GZMM: variants seen among roughly 807,000 people sequenced by gnomAD.
GZMM encodes the protein granzyme M.
Under a neutral mutation model 19.2 loss-of-function variants are expected in GZMM, and 23 were observed. The observed-to-expected ratio is 1.20, with a 90% confidence interval of 0.86 to 1.69. The LOEUF is 1.69. GZMM is among the 40% of genes most tolerant of loss of function. GZMM has a pLI of 0.00. For synonymous variants in GZMM, 178 were observed against 160.2 expected, an observed-to-expected ratio of 1.11 and a Z score of -0.84; for missense variants, 373 against 352.2, an observed-to-expected ratio of 1.06 and a Z score of -0.47.
rs1344705067 is a variant in GZMM at position 549,682 on chromosome 19, T to C, written c.665T>C (p.Val222Ala). 4 of 1,613,576 alleles carry C rather than the reference T, an allele frequency of 2.5e-6. No homozygotes were observed. The highest frequency in any genetic ancestry group is 4.5e-5 in the East Asian group (2 of 44,894). ...VCGKGRVLAR[V>A]LSFSSRVCTD... ...GGCAAAGGCCGGGTGTTGGCCAGAG[T>C]CCTGTCCTTCAGCTCCAGGGTCTGC... Residue 222 changes from valine (V) to alanine (A), a missense_variant, in exon 5 of 5, where the codon GTC becomes GCC. Val to Ala is a moderately conservative substitution (Grantham distance 64, BLOSUM62 0). Coordinates refer to ENST00000264553, the MANE Select transcript of GZMM (RefSeq NM_005317.4).
chr19:549,786 G>T lies in GZMM; in HGVS notation c.769G>T (p.Ala257Ser), dbSNP rs944192890. Residue 257 changes from alanine to serine, a missense_variant, in exon 5 of 5, where the codon GCC becomes TCC. By Grantham distance (99) the Ala-to-Ser change is moderately conservative. Coordinates refer to ENST00000264553, the MANE Select transcript of GZMM (RefSeq NM_005317.4). ...GATCAGGAAGGTCACCGGCCGATCG[G>T]CCTGATGCCCTGGGGTGATGGGGAC... The part of the protein sequence containing the change: ...SWIRKVTGRS[A>S] 16 of 1,608,940 alleles carry T rather than the reference G, an allele frequency of 9.9e-6. No individual in the cohort carries two copies. The highest frequency in any genetic ancestry group is 1.4e-5 in the Non-Finnish European group (16 of 1,178,160).
chr19:549,272 C>T, intron 4 of GZMM, 87 bp downstream of exon 4: 1 of 1,345,058 alleles, frequency 7.4e-7, no homozygotes, highest in Non-Finnish European at 1.0e-6. Context: ...CCTGGCTCTC[C>T]CGTTCTCTGG....
chr19:549,380 A>C (rs908103102), intron 4 of GZMM, among the ~76,000 whole-genome samples, 195 bp downstream of exon 4: 1 of 152,206 alleles, frequency 6.6e-6, no homozygotes, highest in South Asian at 2.1e-4. Flanking sequence ...CAACCTGCGC[A>C]AGACCACACA....
At chr19:544,506 C>A (rs1980182902) in intron 1 of GZMM, among the ~76,000 whole-genome samples, 1 of 152,108 alleles carries the variant, frequency 6.6e-6, no homozygotes, top group Non-Finnish European at 1.5e-5. Flanking sequence ...CTGCCACCAC[C>A]AAGGGCTTGG....
In GZMM at chr19:549,631, G is replaced by T. The variant is rs139484295; in HGVS notation, c.614G>T (p.Gly205Val). Residue 205 changes from glycine to valine, a missense_variant and splice_region_variant, in exon 5 of 5, where the codon GGT becomes GTT. By Grantham distance (109) the Gly-to-Val change is moderately radical. Coordinates refer to ENST00000264553, the MANE Select transcript of GZMM (RefSeq NM_005317.4). ...AGCTGCGGTGTGTCGTCCCTGCAGG[G>T]TGACTCGGGCGGGCCCCTGGTGTGT... ...ADSKDQAPCK[G>V]DSGGPLVCGK... is the part of the protein sequence containing the mutation. The T allele has an allele frequency of 3.2e-5, 51 of 1,611,140 alleles. No individual in the cohort carries two copies. In the African/African-American group the frequency reaches 6.7e-4, roughly 21 times the overall value.
chr19:547,507 G>T (rs1980335964), intron 2 of GZMM, 71 bp downstream of exon 2: 1 of 1,203,282 alleles, frequency 8.3e-7, no homozygotes, highest in Non-Finnish European at 1.1e-6. Flanking sequence ...TCTGCAGGGG[G>T]TGGGCTCTGG....
rs767627448 is a variant in GZMM, at chr19:548,922, C to T, written c.349C>T (p.Leu117=). 8 of 1,562,166 alleles carry T rather than the reference C, an allele frequency of 5.1e-6. No individual in the cohort carries two copies. The highest frequency in any genetic ancestry group is 6.9e-6 in the Non-Finnish European group (8 of 1,151,560). The change falls in exon 4 of 5, where the codon CTG becomes TTG. Residue 117 remains leucine, a splice_region_variant and synonymous_variant. Coordinates refer to ENST00000264553, the MANE Select transcript of GZMM (RefSeq NM_005317.4). ...ALENDLALLQ[L]DGKVKPSRTI... is the part of the protein sequence containing the mutation. ...ACCTGCCCCTTCCTGTCACTCGTAG[C>T]TGGACGGGAAAGTGAAGCCCAGCCG...
Position 549,875 on chromosome 19 carries a change from G to A in GZMM, c.*84G>A, listed in dbSNP as rs116707574. ...TGCAGTGGGGTGGGTGAGGACGGGT[G>A]GGAGGGACAGGGAGGGACCAATAAA... On this transcript the variant is annotated 3_prime_UTR_variant, in exon 5 of 5. Coordinates refer to ENST00000264553, the MANE Select transcript of GZMM (RefSeq NM_005317.4). The A allele has an allele frequency of 8.1e-3, 5,825 of 716,608 alleles. 370 individuals carry two copies. Among genetic ancestry groups the A allele is most frequent in the South Asian group, 0.054 (3,344 of 62,106 alleles). 44.4% of individuals were successfully genotyped at this position (716,608 alleles called of 1,614,324 possible). A position where few individuals can be genotyped will look rare whatever the true frequency, so the allele number is the denominator to read the frequency against.
chr19:544,754 T>A (rs2145857177), intron 1 of GZMM, among the ~76,000 whole-genome samples: 1 of 101,004 alleles, frequency 9.9e-6, no homozygotes, highest in East Asian at 3.6e-4. Flanking sequence ...CTTCCTTCCC[T>A]CTACCCGTCC....
chr19:547,256 GC>G (rs1227654552), intron 1 of GZMM, 23 bp from the exon 2 acceptor site: 1 of 1,487,574 alleles, frequency 6.7e-7, no homozygotes, highest in African/African-American at 1.4e-5. Context: ...CCCCAACCTG[GC>G]TCTTTGTCCC....
chr19:548,985 G>A lies in GZMM; in HGVS notation c.412G>A (p.Val138Met). The change falls in exon 4 of 5, where the codon GTG (valine) becomes ATG (methionine). Residue 138 changes from valine to methionine, a missense_variant. Transcript: ENST00000264553. ...RPLALPSKRQ[V>M]VAAGTRCSMA... ...GTTGGCCCTGCCCAGTAAGCGCCAG[G>A]TGGTGGCAGCAGGGACTCGGTGCAG... is the stretch of plus-strand genomic sequence containing the variant. 6.2e-7 allele frequency: 1 copy of A among 1,604,394 alleles called. No homozygotes were observed. The highest frequency in any genetic ancestry group is 1.1e-5 in the South Asian group (1 of 89,664).
At chr19:547,876 A>G (rs1980349310) in intron 2 of GZMM, among the ~76,000 whole-genome samples, 8 of 152,174 alleles carry the variant, frequency 5.3e-5, no homozygotes. Context: ...CCCGGGGATC[A>G]GGAAGCCGCT....
intron 1 of GZMM, 24 bp downstream of exon 1, chr19:544,150 G>T (rs1410142153): frequency 1.9e-6 from 3 of 1,546,206 alleles, no homozygotes; most frequent in Non-Finnish European, 1.7e-6. Context: ...GGGATGCAGG[G>T]GGGACACTGA....
At chr19:548,890 C>T (rs918643507) in intron 3 of GZMM, 32 bp from the exon 4 acceptor site, 2 of 1,487,730 alleles carry the variant, frequency 1.3e-6, no homozygotes, top group Non-Finnish European at 1.8e-6. Flanking sequence ...ACCCCCTCCC[C>T]CTGCTCACCT....
chr19:547,851 G>A (rs1017476227), intron 2 of GZMM, among the ~76,000 whole-genome samples: 1 of 152,170 alleles, frequency 6.6e-6, no homozygotes, highest in Non-Finnish European at 1.5e-5. Context: ...GAGTGGCTCG[G>A]GAATCGACCT....
At chr19:548,757 C>CCGCTGCCGTCCCTCCCCCCG (rs1980388196) in intron 3 of GZMM, 80 bp downstream of exon 3, 1 of 1,179,354 alleles carries the variant, frequency 8.5e-7, no homozygotes, top group African/African-American at 1.6e-5. Context: ...CGCCCTCCCC[C>CCGCTGCCGTCCCTCCCCCCG]CGCTGCCGAC....
rs1702510416 is a variant in GZMM, at chr19:549,002, TC to T, written c.430del (p.Arg144GlyfsTer9). On this transcript the variant is annotated frameshift_variant, in exon 4 of 5. Coordinates refer to ENST00000264553, the MANE Select transcript of GZMM (RefSeq NM_005317.4). LOFTEE classifies it high-confidence loss of function. ...SKRQVVAAGT[R>X]CSMAGWGLTH... ...AGCGCCAGGTGGTGGCAGCAGGGACTCGGTGCAGCATGGCCGGCTGGGGGCT... is the reference window on the plus strand; with the variant it reads ...AGCGCCAGGTGGTGGCAGCAGGGACTGGTGCAGCATGGCCGGCTGGGGGCT... 3 of 1,603,924 alleles carry T rather than the reference TC, an allele frequency of 1.9e-6. No homozygotes were observed. Among genetic ancestry groups the T allele is most frequent in the Admixed American group, 1.7e-5 (1 of 59,070 alleles).
Position 548,528 on chromosome 19 carries a change from C to A in GZMM, c.213-14C>A. On this transcript the variant is annotated splice_polypyrimidine_tract_variant and intron_variant, in intron 2 of 4. Transcript: ENST00000264553. Reference sequence around the variant, plus strand: ...CGGGCCAGGCCGCAGCACCCTGATTCCCTCTGTCCCCAGGATGGCCCAGCT... The same window carrying A: ...CGGGCCAGGCCGCAGCACCCTGATTACCTCTGTCCCCAGGATGGCCCAGCT... The A allele has an allele frequency of 1.2e-6, 2 of 1,612,326 alleles. No homozygotes were observed. Among genetic ancestry groups the A allele is most frequent in the Non-Finnish European group, 1.7e-6 (2 of 1,179,250 alleles).
intron 4 of GZMM, 57 bp from the exon 5 acceptor site, chr19:549,573 C>T: frequency 1.9e-6 from 3 of 1,545,944 alleles, no homozygotes; most frequent in Admixed American, 1.8e-5. Context: ...GCGGGCCCTG[C>T]TCCCCTCGTC....
Sources: allele counts gnomAD v4.1 joint callset (sites outside exome capture counted in the v4.1 genomes callset), GRCh38; gene constraint gnomAD v4.1.1; transcripts MANE v1.5; gene names NCBI Gene and HGNC (gene_info 2026-07-23, HGNC 2026-07-21).